Variants in AKR1C4 observed in about 807,000 individuals in gnomAD.
AKR1C4 encodes the protein 3-alpha-HSD1.
In AKR1C4, 44 loss-of-function variants were observed where a neutral mutation model predicts 41.0. The observed-to-expected ratio is 1.07, with a 90% CI of 0.84 to 1.38. AKR1C4 has a LOEUF of 1.38. Ranked by LOEUF, AKR1C4 falls within the 40% of genes most tolerant of loss-of-function variation. The probability of loss-of-function intolerance (pLI) is 0.00; values close to 1 mark genes in which losing one functional copy is unlikely to be tolerated. For missense variants in AKR1C4, 438 were observed against 387.9 expected, an observed-to-expected ratio of 1.13 and a Z score of -1.09; for synonymous variants, 165 against 137.7, an observed-to-expected ratio of 1.20 and a Z score of -1.39.
At chr10:5,211,028 G>T (rs1054705952) in intron 5 of AKR1C4, among the ~76,000 whole-genome samples, 4 of 152,226 alleles carry the variant, frequency 2.6e-5, no homozygotes, top group Non-Finnish European at 5.9e-5. Context: ...GCCCCTTTTA[G>T]TCACGGCAGG....
intron 2 of AKR1C4, 79 bp from the exon 3 acceptor site, chr10:5,204,298 G>T (rs1016830358): frequency 1.8e-6 from 2 of 1,129,844 alleles, no homozygotes; most frequent in South Asian, 1.4e-5. Flanking sequence ...GGTGAAAAAT[G>T]TCTAAATATT....
chr10:5,216,243 C>T (rs782188816), intron 7 of AKR1C4, among the ~76,000 whole-genome samples: 3 of 152,158 alleles, frequency 2.0e-5, no homozygotes, highest in Non-Finnish European at 2.9e-5. Flanking sequence ...GGGGAGGGCA[C>T]CCAGCCATTC....
chr10:5,213,280 G>A, intron 7 of AKR1C4, 121 bp downstream of exon 7: 1 of 1,438,626 alleles, frequency 7.0e-7, no homozygotes, highest in South Asian at 1.4e-5. Context: ...ATGCACAAAT[G>A]CTTTGTGTGC....
At position 5,205,813 on chromosome 10, in the gene AKR1C4, G is replaced by A. The variant is rs782573406; in HGVS notation, c.426G>A (p.Val142=). 2.3e-5 allele frequency: 37 copies of A among 1,613,156 alleles called. No homozygotes were observed. The highest frequency in any genetic ancestry group is 3.1e-5 in the Non-Finnish European group (37 of 1,179,496). The part of the protein sequence containing the change: ...DENGKVIFDT[V]DLSATWEVME... ...ATGGAAAAGTAATATTCGACACAGT[G>A]GATCTCTCTGCCACATGGGAGGTGA... Residue 142 remains valine, a synonymous_variant, in exon 4 of 9, where the codon GTG becomes GTA. Transcript: ENST00000263126.
chr10:5,209,089 T>C (rs1554797728), intron 5 of AKR1C4, among the ~76,000 whole-genome samples: 1 of 152,198 alleles, frequency 6.6e-6, no homozygotes, highest in African/African-American at 2.4e-5. Flanking sequence ...CCTGAAATTA[T>C]ACCACAGTAG....
rs782370477 is a variant in AKR1C4, at chr10:5,200,349, G to C, written c.252+1G>C. On this transcript the variant is annotated splice_donor_variant, in intron 2 of 8. Coordinates refer to ENST00000263126, the MANE Select transcript of AKR1C4 (RefSeq NM_001818.5). LOFTEE classifies it high-confidence loss of function. ...AGAAGACATATTCTACACTTCAAAG[G>C]TACTGTGCCTATGATGAGCATGTAT... 7 of 1,612,028 alleles carry C rather than the reference G, an allele frequency of 4.3e-6. No homozygotes were observed. The highest frequency in any genetic ancestry group is 1.7e-4 in the Middle Eastern group (1 of 6,046).
chr10:5,199,324 A>T (rs1832360556), intron 1 of AKR1C4, among the ~76,000 whole-genome samples: 1 of 152,108 alleles, frequency 6.6e-6, no homozygotes, highest in Admixed American at 6.5e-5. Context: ...TGGTCCCTTT[A>T]AATGATACAG....
chr10:5,201,326 T>C (rs1350677802), intron 2 of AKR1C4, among the ~76,000 whole-genome samples: 1 of 152,236 alleles, frequency 6.6e-6, no homozygotes, highest in Non-Finnish European at 1.5e-5. Context: ...TATCTCATTG[T>C]GATTTTAATT....
intron 2 of AKR1C4, among the ~76,000 whole-genome samples, chr10:5,203,686 G>C (rs1006975057): frequency 6.6e-6 from 1 of 152,192 alleles, no homozygotes; most frequent in African/African-American, 2.4e-5. Context: ...TTGGAAAAAA[G>C]TTTGCAGTGT....
In AKR1C4 at chr10:5,200,061, G is replaced by A. The variant is rs1301978746; in HGVS notation, c.85-120G>A. The A allele has an allele frequency of 5.7e-5, 74 of 1,290,750 alleles. 3 individuals carry two copies. The South Asian group carries it at 8.8e-4, about 15-fold the overall frequency. 80.0% of individuals were successfully genotyped at this position (1,290,750 alleles called of 1,614,324 possible). On this transcript the variant is annotated intron_variant, in intron 1 of 8. Coordinates refer to ENST00000263126, the MANE Select transcript of AKR1C4 (RefSeq NM_001818.5). Reference sequence around the variant, plus strand: ...GCTCCCCTAGAGGTCTGAGCAGCGGGGGCCTGAAGAAGCGAGCCACACCCC... The same window carrying A: ...GCTCCCCTAGAGGTCTGAGCAGCGGAGGCCTGAAGAAGCGAGCCACACCCC...
chr10:5,213,256 C>A (rs1832605946), intron 7 of AKR1C4, 97 bp downstream of exon 7: 2 of 1,529,760 alleles, frequency 1.3e-6, no homozygotes, highest in Non-Finnish European at 1.8e-6. Flanking sequence ...AAGTCCACTT[C>A]CTGGGCATTT....
Position 5,196,957 on chromosome 10 carries a change from A to T in AKR1C4, c.84+6A>T, listed in dbSNP as rs782354601. 9 of 1,613,356 alleles carry T rather than the reference A, an allele frequency of 5.6e-6. No individual in the cohort carries two copies. The Admixed American group carries it at 1.3e-4, about 24-fold the overall frequency. On this transcript the variant is annotated splice_donor_region_variant and intron_variant, in intron 1 of 8. Transcript: ENST00000263126. ...GCACCTATGCACCTCCAGAGGTAATAATCACATTTTCAGCATTGAGCATTT... is the reference window on the plus strand; with the variant it reads ...GCACCTATGCACCTCCAGAGGTAATTATCACATTTTCAGCATTGAGCATTT...
intron 4 of AKR1C4, 85 bp downstream of exon 4, chr10:5,205,919 A>G (rs2132130232): frequency 1.5e-6 from 2 of 1,340,714 alleles, no homozygotes; most frequent in East Asian, 2.3e-5. Context: ...ACATTGGAAT[A>G]TGCACCATTG....
At position 5,200,256 on chromosome 10, in the gene AKR1C4, T is replaced by C. The variant is rs1832377765; in HGVS notation, c.160T>C (p.Leu54=). 2 of 1,614,094 alleles carry C rather than the reference T, an allele frequency of 1.2e-6. No homozygotes were observed. The highest frequency in any genetic ancestry group is 1.7e-5 in the Admixed American group (1 of 60,014). Residue 54 remains leucine (L), a synonymous_variant, in exon 2 of 9, where the codon TTA becomes CTA. Transcript: ENST00000263126. ...AGFRHIDSAY[L]YNNEEQVGLA... is the part of the protein sequence containing the mutation. Reference sequence around the variant, plus strand: ...CTTCCGCCATATTGATTCTGCTTATTTATACAATAATGAGGAGCAGGTTGG... The same window carrying C: ...CTTCCGCCATATTGATTCTGCTTATCTATACAATAATGAGGAGCAGGTTGG...
At chr10:5,201,149 G>A (rs1431318242) in intron 2 of AKR1C4, among the ~76,000 whole-genome samples, 3 of 152,006 alleles carry the variant, frequency 2.0e-5, no homozygotes, top group African/African-American at 7.2e-5. Flanking sequence ...GAATCAAATG[G>A]TAGATCTACT....
intron 2 of AKR1C4, among the ~76,000 whole-genome samples, chr10:5,203,295 A>T (rs1283790303): frequency 6.6e-6 from 1 of 152,116 alleles, no homozygotes; most frequent in Non-Finnish European, 1.5e-5. Context: ...GCTTCTTTCG[A>T]TCTGTGACAT....
At chr10:5,207,734 A>T in intron 5 of AKR1C4, 1 of 493,316 alleles carries the variant, frequency 2.0e-6, no homozygotes, top group South Asian at 1.7e-5. Context: ...ATATTGCAGT[A>T]ATATAAAAAG....
At position 5,212,712 on chromosome 10, in the gene AKR1C4, C is replaced by A. The variant is rs782309814; in HGVS notation, c.667C>A (p.Arg223=). The change falls in exon 6 of 9, where the codon CGA becomes AGA. Residue 223 remains arginine, a synonymous_variant. Coordinates refer to ENST00000263126, the MANE Select transcript of AKR1C4 (RefSeq NM_001818.5). ...TGCCCACAGTGCTCTGGGAACCCAA[C>A]GACATAAACTATGGTAATAAGAGCA... ...LVAHSALGTQ[R]HKLWVDPNSP... 4.3e-6 allele frequency: 7 copies of A among 1,611,562 alleles called. No homozygotes were observed. Among genetic ancestry groups the A allele is most frequent in the Non-Finnish European group, 5.1e-6 (6 of 1,179,360 alleles).
intron 4 of AKR1C4, among the ~76,000 whole-genome samples, chr10:5,206,044 G>T (rs954212072): frequency 6.6e-6 from 1 of 152,302 alleles, no homozygotes; most frequent in Middle Eastern, 3.4e-3. Context: ...AAGGAAGACA[G>T]ATATTCCTCC....
Sources: gnomAD v4.1 joint callset for allele counts (sites outside exome capture counted in the v4.1 genomes callset) on GRCh38, gnomAD v4.1.1 for gene constraint, MANE v1.5 for transcripts, NCBI Gene and HGNC (gene_info 2026-07-23, HGNC 2026-07-21) for gene names.